The following SUPT5H variants were observed in gnomAD, a reference collection of about 807,000 sequenced individuals.
SUPT5H encodes SPT5 homolog, DSIF elongation factor subunit.
SUPT5H carries 24 observed loss-of-function variants against 142.5 expected under a neutral mutation model. The ratio of observed to expected loss-of-function variants is 0.17; its 90% CI spans 0.12 to 0.24. The LOEUF is 0.24. Ranked by LOEUF, SUPT5H falls within the 10% of genes least tolerant of loss-of-function variation. The pLI is 1.00. For missense variants in SUPT5H, 893 were observed against 1,471.8 expected (o/e 0.61, Z 6.43); for synonymous variants, 546 against 553.0 (o/e 0.99, Z 0.18).
chr19:39,446,214 A>G (rs990911578), intron 2 of SUPT5H, among the ~76,000 whole-genome samples: 4 of 152,266 alleles, frequency 2.6e-5, no homozygotes, highest in Non-Finnish European at 5.9e-5. Context: ...GCATATAGTA[A>G]GCACTTAGCA....
intron 2 of SUPT5H, among the ~76,000 whole-genome samples, chr19:39,453,122 G>C (rs896977604): frequency 6.6e-6 from 1 of 152,100 alleles, no homozygotes; most frequent in African/African-American, 2.4e-5. Flanking sequence ...CTAGTGCAGG[G>C]AGAAGCCCGG....
intron 2 of SUPT5H, among the ~76,000 whole-genome samples, chr19:39,446,986 C>T (rs781083276): frequency 7.3e-5 from 11 of 151,630 alleles, no homozygotes; most frequent in Admixed American, 4.6e-4. Flanking sequence ...GCAGCCTGGG[C>T]GACGAGCAAG....
chr19:39,449,365 G>A (rs918897686), intron 2 of SUPT5H, among the ~76,000 whole-genome samples: 1 of 152,124 alleles, frequency 6.6e-6, no homozygotes, highest in Non-Finnish European at 1.5e-5. Context: ...ATCAGCCTGT[G>A]GTCCTGTCAT....
Position 39,470,658 on chromosome 19 carries a change from G to C in SUPT5H, c.1677+135G>C. On this transcript the variant is annotated intron_variant, in intron 18 of 29. Transcript: ENST00000432763. The surrounding 1 kb of genome is among the most constrained non-coding windows in gnomAD (Gnocchi z 5.8). ...CTGGCTCTGTCACTTACATCTGAAT[G>C]GCTGATAGTGGGCACATGGCAAGTC... The C allele has an allele frequency of 9.9e-7, 1 of 1,005,880 alleles. No homozygotes were observed. Among genetic ancestry groups the C allele is most frequent in the South Asian group, 2.2e-5 (1 of 46,478 alleles). 62.3% of individuals were successfully genotyped at this position (1,005,880 alleles called of 1,614,324 possible). A position where few individuals can be genotyped will look rare whatever the true frequency, so the allele number is the denominator to read the frequency against.
At chr19:39,459,784 C>T (rs2079137372) in intron 9 of SUPT5H, 108 bp from the exon 10 acceptor site, 1 of 1,355,572 alleles carries the variant, frequency 7.4e-7, no homozygotes, top group African/African-American at 1.4e-5. Context: ...TTCTTTCTCT[C>T]TCCTCTCTTG....
Position 39,476,609 on chromosome 19 carries a change from C to T in SUPT5H, c.*210C>T, listed in dbSNP as rs1048775219. ...GGAGGGTCCCCACCTTCCTGTACCT[C>T]CTCCCCACAGCTTGCTTTTGTTGTA... is the stretch of plus-strand genomic sequence containing the variant. On this transcript the variant is annotated 3_prime_UTR_variant, in exon 30 of 30. Coordinates refer to ENST00000432763, the MANE Select transcript of SUPT5H (RefSeq NM_001111020.3). 4.8e-6 allele frequency: 3 copies of T among 619,034 alleles called. No homozygotes were observed. The highest frequency in any genetic ancestry group is 3.7e-5 in the African/African-American group (2 of 54,168). The allele number at this position is 619,034 out of a possible 1,614,324, so 38.3% of individuals were successfully genotyped here.
chr19:39,452,676 C>T (rs1043595169), intron 2 of SUPT5H, among the ~76,000 whole-genome samples: 2 of 151,986 alleles, frequency 1.3e-5, no homozygotes, highest in Non-Finnish European at 2.9e-5. Flanking sequence ...TGTCCACCAC[C>T]GCCAAGGGAG....
chr19:39,457,072 A>G, intron 3 of SUPT5H, among the ~76,000 whole-genome samples: 1 of 152,248 alleles, frequency 6.6e-6, no homozygotes, highest in East Asian at 1.9e-4. Flanking sequence ...TACATCCAAC[A>G]TGGTAAAGAG....
chr19:39,475,874 A>G, intron 28 of SUPT5H: 1 of 585,728 alleles, frequency 1.7e-6, no homozygotes, highest in African/African-American at 1.9e-5. Context: ...CTTCATTCTG[A>G]TGCTTCCCTT....
chr19:39,460,011 G>A (rs2146097058), intron 10 of SUPT5H, 51 bp downstream of exon 10: 2 of 1,591,524 alleles, frequency 1.3e-6, no homozygotes, highest in Admixed American at 1.7e-5. Context: ...AACACCCAGA[G>A]GGAAGAACAT....
chr19:39,475,828 G>GTAAAAAA, intron 28 of SUPT5H: 1 of 519,526 alleles, frequency 1.9e-6, no homozygotes, highest in Non-Finnish European at 3.4e-6. Flanking sequence ...TTTGGGACAT[G>GTAAAAAA]AAGAGTCAAG....
At chr19:39,453,727 G>T (rs2079049988) in intron 3 of SUPT5H, among the ~76,000 whole-genome samples, 1 of 152,162 alleles carries the variant, frequency 6.6e-6, no homozygotes, top group African/African-American at 2.4e-5. Flanking sequence ...ACCACGCCCG[G>T]CTAATTTTTT....
intron 11 of SUPT5H, among the ~76,000 whole-genome samples, chr19:39,465,672 A>C (rs2088640763): frequency 1.3e-5 from 2 of 152,222 alleles, no homozygotes; most frequent in Admixed American, 6.5e-5. Context: ...ATGGCTGCCC[A>C]CAACAAAAAA....
At chr19:39,465,332 G>A (rs1344839256) in intron 11 of SUPT5H, among the ~76,000 whole-genome samples, 1 of 152,204 alleles carries the variant, frequency 6.6e-6, no homozygotes, top group Non-Finnish European at 1.5e-5. Flanking sequence ...GAGATAGGAT[G>A]GCACAGTCAC....
At chr19:39,452,593 G>A (rs1261241360) in intron 2 of SUPT5H, among the ~76,000 whole-genome samples, 1 of 152,192 alleles carries the variant, frequency 6.6e-6, no homozygotes, top group Non-Finnish European at 1.5e-5. Context: ...CACAGAATTA[G>A]CAACAGGGGT....
chr19:39,459,169 CCCT>C lies in SUPT5H; in HGVS notation c.459-9_459-7del, dbSNP rs1375394700. The stretch of plus-strand genomic sequence containing the variant: ...ACAGAGCTTCACCCCTTCCTGACTG[CCCT>C]CCTCCCTTCAGGGTGTATGGAGGAT... On this transcript the variant is annotated splice_polypyrimidine_tract_variant and intron_variant, in intron 7 of 29. Transcript: ENST00000432763. 6 of 1,605,392 alleles carry C rather than the reference CCCT, an allele frequency of 3.7e-6. No individual in the cohort carries two copies. Among genetic ancestry groups the C allele is most frequent in the Non-Finnish European group, 5.1e-6 (6 of 1,175,664 alleles).
rs548175707 is a variant in SUPT5H, at chr19:39,451,778, C to T, written c.76-1578C>T. 4.6e-5 allele frequency among the ~76,000 whole-genome samples: 7 copies of T among 152,292 alleles called. No homozygotes were observed. In the South Asian group the frequency reaches 1.0e-3, roughly 23 times the overall value. On this transcript the variant is annotated intron_variant, in intron 2 of 29. Transcript: ENST00000432763. ...TACTCCTGATGTCAGGTGATCCACC[C>T]GCTTTGGCCTCCTAAAGTGTTGGGA...
intron 14 of SUPT5H, 90 bp from the exon 15 acceptor site, chr19:39,468,989 T>G: frequency 6.4e-7 from 1 of 1,567,730 alleles, no homozygotes. Flanking sequence ...AGGAGAATTA[T>G]TCCCCTAGGA....
chr19:39,469,679 T>A lies in SUPT5H; in HGVS notation c.1374+281T>A. 2.1e-6 allele frequency: 1 copy of A among 483,752 alleles called. No homozygotes were observed. 30.0% of individuals were successfully genotyped at this position (483,752 alleles called of 1,614,324 possible). Reference sequence around the variant, plus strand: ...GGTAGTACTGGGTTGAGAGTGTGATTAACCAAGGAGTAATCTGAGGCTTGA... The same window carrying A: ...GGTAGTACTGGGTTGAGAGTGTGATAAACCAAGGAGTAATCTGAGGCTTGA... On this transcript the variant is annotated intron_variant, in intron 16 of 29. Transcript: ENST00000432763. This position sits in a 1 kb window ranked among gnomAD's most constrained non-coding sequence, Gnocchi z 5.1.
Sources: gnomAD v4.1 joint callset for allele counts (sites outside exome capture counted in the v4.1 genomes callset) on GRCh38, gnomAD v4.1.1 for gene constraint, Gnocchi (gnomAD v3.1) non-coding constraint, MANE v1.5 for transcripts, NCBI Gene and HGNC (gene_info 2026-07-23, HGNC 2026-07-21) for gene names.